ARHGEF3: variants seen among roughly 807,000 people sequenced by gnomAD.
ARHGEF3 encodes 59.8 kDA protein.
ARHGEF3 carries 28 observed loss-of-function variants against 63.2 expected under a neutral mutation model. The ratio of observed to expected loss-of-function variants is 0.44; its 90% CI spans 0.33 to 0.61. The LOEUF (loss-of-function observed/expected upper bound fraction) is 0.61. ARHGEF3 is among the 20% of genes least tolerant of loss of function. The probability of loss-of-function intolerance (pLI) is 0.03; values close to 1 mark genes in which losing one functional copy is unlikely to be tolerated. For missense variants in ARHGEF3, 533 were observed against 659.3 expected (o/e 0.81, Z 2.10); for synonymous variants, 266 against 254.2 (o/e 1.05, Z -0.44).
In ARHGEF3 at chr3:57,031,054, T is replaced by A. The variant is rs558758945; in HGVS notation, c.62+4034A>T. On this transcript the variant is annotated intron_variant, in intron 2 of 12. Transcript: ENST00000338458. ...TGTGGTCCTTCCAGCTGGTCGGCTTTGTCTCAGCACCTCATCTCAAGGATC... is the reference window on the plus strand; with the variant it reads ...TGTGGTCCTTCCAGCTGGTCGGCTTAGTCTCAGCACCTCATCTCAAGGATC... 1.4e-3 allele frequency among the ~76,000 whole-genome samples: 211 copies of A among 152,326 alleles called. 1 individual carries two copies. Among genetic ancestry groups the A allele is most frequent in the African/African-American group, 4.8e-3 (200 of 41,590 alleles).
intron 3 of ARHGEF3, chr3:56,916,244 A>G: frequency 6.6e-7 from 1 of 1,509,708 alleles, no homozygotes. Context: ...TCCTGGCACC[A>G]CCCCACCCGG....
At chr3:56,791,866 TAA>T (rs5849169) in intron 1 of ARHGEF3, among the ~76,000 whole-genome samples, 26 of 147,822 alleles carry the variant, frequency 1.8e-4, no homozygotes, top group South Asian at 4.2e-4. Context: ...ATAGCAAAAT[TAA>T]AAAAAAAAAA....
intron 2 of ARHGEF3, among the ~76,000 whole-genome samples, chr3:56,969,793 T>A (rs957441499): frequency 2.0e-5 from 3 of 149,724 alleles, no homozygotes; most frequent in African/African-American, 7.3e-5. Flanking sequence ...AAGGTACATA[T>A]GAAACGTTCA....
intron 1 of ARHGEF3, among the ~76,000 whole-genome samples, chr3:56,791,556 C>A (rs1450840086): frequency 6.6e-6 from 1 of 152,148 alleles, no homozygotes; most frequent in Non-Finnish European, 1.5e-5. Flanking sequence ...TAAAGTAGGG[C>A]CTTGCAGTTG....
intron 2 of ARHGEF3, among the ~76,000 whole-genome samples, chr3:56,981,051 CAGAA>C (rs1701309167): frequency 6.6e-6 from 1 of 152,238 alleles, no homozygotes; most frequent in African/African-American, 2.4e-5. Flanking sequence ...GTCTGACTAA[CAGAA>C]AGTCACATCA....
chr3:56,769,759 A>T (rs1445817378), intron 2 of ARHGEF3, among the ~76,000 whole-genome samples: 1 of 152,210 alleles, frequency 6.6e-6, no homozygotes, highest in Non-Finnish European at 1.5e-5. Flanking sequence ...GGCTTAAGTC[A>T]TCTCTTCTAT....
intron 2 of ARHGEF3, among the ~76,000 whole-genome samples, chr3:56,759,379 C>T (rs2035286262): frequency 6.6e-6 from 1 of 151,986 alleles, no homozygotes; most frequent in Non-Finnish European, 1.5e-5. Flanking sequence ...GGGGTTTCAC[C>T]ATGTTGGTCT....
intron 1 of ARHGEF3, among the ~76,000 whole-genome samples, chr3:57,043,078 G>A (rs1704296137): frequency 6.6e-6 from 1 of 151,680 alleles, no homozygotes; most frequent in Non-Finnish European, 1.5e-5. Context: ...GATATGGGAC[G>A]GCTGGAAGCT....
At position 56,860,194 on chromosome 3, in the gene ARHGEF3, T is replaced by C. The variant is rs534986853; in HGVS notation, c.192+22098A>G. Among the ~76,000 whole-genome samples the C allele has an allele frequency of 2.7e-3, 409 of 152,314 alleles. 2 individuals carry two copies. The highest frequency in any genetic ancestry group is 9.5e-3 in the African/African-American group (395 of 41,562). On this transcript the variant is annotated intron_variant, in intron 4 of 12. Transcript: ENST00000338458. ...ATATTTATTTTTTATTTTTATTTTTTAGAGACAGAGTCTCACTCTGTCACC... is the reference window on the plus strand; with the variant it reads ...ATATTTATTTTTTATTTTTATTTTTCAGAGACAGAGTCTCACTCTGTCACC...
At chr3:56,781,871 G>A (rs887003424) in intron 1 of ARHGEF3, among the ~76,000 whole-genome samples, 4 of 152,190 alleles carry the variant, frequency 2.6e-5, no homozygotes, top group African/African-American at 9.7e-5. Context: ...TCAGAAGGTT[G>A]AGCCACAAAG....
At chr3:56,819,657 G>A (rs367876451) in intron 4 of ARHGEF3, among the ~76,000 whole-genome samples, 101 of 151,580 alleles carry the variant, frequency 6.7e-4, no homozygotes, top group African/African-American at 2.4e-3. Flanking sequence ...GACTACAGGT[G>A]CACCACCATG....
chr3:57,073,669 A>C (rs1446759105), intron 1 of ARHGEF3: 7 of 1,592,680 alleles, frequency 4.4e-6, no homozygotes, highest in Non-Finnish European at 6.0e-6. Context: ...CCTTTTCTGG[A>C]GAATTCTGTT....
At chr3:56,868,891 G>A (rs2040343448) in intron 4 of ARHGEF3, among the ~76,000 whole-genome samples, 1 of 152,142 alleles carries the variant, frequency 6.6e-6, no homozygotes, top group Non-Finnish European at 1.5e-5. Context: ...GCTTCTTTCA[G>A]TGGCCCGTGT....
chr3:56,790,114 T>C (rs193230182), intron 1 of ARHGEF3, among the ~76,000 whole-genome samples: 166 of 152,340 alleles, frequency 1.1e-3, no homozygotes, highest in African/African-American at 3.9e-3. Flanking sequence ...TGTCCCCAGC[T>C]ACTTGGGAAG....
intron 1 of ARHGEF3, among the ~76,000 whole-genome samples, chr3:57,066,333 C>T (rs1705535495): frequency 6.6e-6 from 1 of 151,858 alleles, no homozygotes; most frequent in Non-Finnish European, 1.5e-5. Flanking sequence ...ATGATCTTGG[C>T]TCACCGCAAC....
chr3:56,806,544 A>T (rs2037867710), upstream of ARHGEF3, among the ~76,000 whole-genome samples: 1 of 152,258 alleles, frequency 6.6e-6, no homozygotes, highest in Non-Finnish European at 1.5e-5. Context: ...AGAAGCCTGG[A>T]GACTGAAATA....
At chr3:56,778,781 C>T (rs1433743782) in intron 1 of ARHGEF3, among the ~76,000 whole-genome samples, 4 of 152,274 alleles carry the variant, frequency 2.6e-5, no homozygotes, top group East Asian at 1.9e-4. Flanking sequence ...GCAATTCTCC[C>T]GCCTCGGCTT....
chr3:56,819,402 T>C (rs2038384370), intron 4 of ARHGEF3, among the ~76,000 whole-genome samples: 1 of 152,230 alleles, frequency 6.6e-6, no homozygotes, highest in African/African-American at 2.4e-5. Context: ...AAGTTTTTCT[T>C]CTGAGAAGCT....
At chr3:56,945,380 G>A (rs867685759) in intron 3 of ARHGEF3, among the ~76,000 whole-genome samples, 1 of 152,170 alleles carries the variant, frequency 6.6e-6, no homozygotes, top group Admixed American at 6.5e-5. Flanking sequence ...AAAGAAAGGG[G>A]TGACAGATGG....
Sources: allele counts gnomAD v4.1 joint callset (sites outside exome capture counted in the v4.1 genomes callset), GRCh38; gene constraint gnomAD v4.1.1; transcripts MANE v1.5; gene names NCBI Gene and HGNC (gene_info 2026-07-23, HGNC 2026-07-21).